SLC3A1: variants seen among roughly 807,000 people sequenced by gnomAD.
SLC3A1 encodes amino acid transporter heavy chain SLC3A1.
A neutral mutation model predicts 60.3 loss-of-function variants in SLC3A1; 78 were observed. The ratio of observed to expected loss-of-function variants is 1.29; its 90% CI spans 1.08 to 1.56. SLC3A1 has a LOEUF of 1.56. Among genes scored for constraint, SLC3A1 ranks in the 40% most tolerant of loss-of-function variants. The pLI, the probability that SLC3A1 is intolerant of heterozygous loss-of-function variation, is 0.00. For missense variants in SLC3A1, 1,172 were observed against 858.9 expected, an observed-to-expected ratio of 1.36 and a Z score of -4.56; for synonymous variants, 392 against 307.9, an observed-to-expected ratio of 1.27 and a Z score of -2.86.
At chr2:44,304,509 G>C (rs1369228924) in intron 7 of SLC3A1, among the ~76,000 whole-genome samples, 171 bp downstream of exon 7, 1 of 152,198 alleles carries the variant, frequency 6.6e-6, no homozygotes, top group Non-Finnish European at 1.5e-5. Context: ...TTTCATTAAG[G>C]GAGGGAGACT....
chr2:44,281,284 A>C (rs1671493386), intron 2 of SLC3A1, 103 bp from the exon 3 acceptor site: 2 of 999,914 alleles, frequency 2.0e-6, no homozygotes, highest in Admixed American at 1.9e-5. Context: ...TTAGCCTCCC[A>C]GTGTATTGGG....
intron 7 of SLC3A1, among the ~76,000 whole-genome samples, chr2:44,310,613 A>T (rs1018878026): frequency 2.0e-5 from 3 of 152,096 alleles, no homozygotes; most frequent in Non-Finnish European, 2.9e-5. Flanking sequence ...GGTTTTTAAA[A>T]ATTTTGTCCT....
intron 3 of SLC3A1, among the ~76,000 whole-genome samples, chr2:44,283,307 C>A (rs1293775948): frequency 6.6e-6 from 1 of 152,246 alleles, no homozygotes; most frequent in Non-Finnish European, 1.5e-5. Context: ...GAGGAACAGG[C>A]TGTCAGCAAG....
chr2:44,300,418 A>G (rs963169208), intron 5 of SLC3A1, among the ~76,000 whole-genome samples: 5 of 152,214 alleles, frequency 3.3e-5, no homozygotes, highest in African/African-American at 4.8e-5. Context: ...CATAGGCTCA[A>G]GTGAGGAGGC....
chr2:44,290,794 T>C lies in SLC3A1; in HGVS notation c.891+4637T>C, dbSNP rs569051225. 2.0e-5 allele frequency among the ~76,000 whole-genome samples: 3 copies of C among 151,316 alleles called. No individual in the cohort carries two copies. The South Asian group carries it at 6.3e-4, about 32-fold the overall frequency. On this transcript the variant is annotated intron_variant, in intron 4 of 9. Transcript: ENST00000260649. ...GTGAGGGCACCTTGCCTCCATGGGGTTGTGGGGTTGTGGGGTTGTGGGGTG... is the reference window on the plus strand; with the variant it reads ...GTGAGGGCACCTTGCCTCCATGGGGCTGTGGGGTTGTGGGGTTGTGGGGTG...
intron 1 of SLC3A1, among the ~76,000 whole-genome samples, chr2:44,278,190 A>T (rs559781189): frequency 4.6e-5 from 7 of 152,044 alleles, no homozygotes; most frequent in African/African-American, 1.7e-4. Flanking sequence ...CACGCCTGTA[A>T]TCCCAGCACT....
chr2:44,304,358 G>GAGT lies in SLC3A1; in HGVS notation c.1332+22_1332+24dup, dbSNP rs1672098531. ...TGGATGGTAAGTCCTCATGACAGCA[G>GAGT]AGTACATAATGTGCTGCTGTTGCCT... On this transcript the variant is annotated intron_variant, in intron 7 of 9. Transcript: ENST00000260649. The GAGT allele has an allele frequency of 6.3e-7, 1 of 1,576,510 alleles. No individual in the cohort carries two copies. The highest frequency in any genetic ancestry group is 1.3e-5 in the African/African-American group (1 of 74,308).
In SLC3A1 at chr2:44,321,251, T is replaced by C. The variant is rs531004244; in HGVS notation, c.*612T>C. On this transcript the variant is annotated 3_prime_UTR_variant, in exon 10 of 10. Coordinates refer to ENST00000260649, the MANE Select transcript of SLC3A1 (RefSeq NM_000341.4). ...GGAGAAGCACATTTTAAAAAATTAATAACTTAAAAGTCTCAAGTTATTAAT... is the reference window on the plus strand; with the variant it reads ...GGAGAAGCACATTTTAAAAAATTAACAACTTAAAAGTCTCAAGTTATTAAT... The C allele has an allele frequency of 1.0e-6, 1 of 1,002,348 alleles. No homozygotes were observed. Among genetic ancestry groups the C allele is most frequent in the African/African-American group, 1.6e-5 (1 of 60,678 alleles). 62.1% of individuals were successfully genotyped at this position (1,002,348 alleles called of 1,614,324 possible). A position where few individuals can be genotyped will look rare whatever the true frequency, so the allele number is the denominator to read the frequency against.
intron 4 of SLC3A1, among the ~76,000 whole-genome samples, chr2:44,287,895 C>A (rs572092349): frequency 2.6e-5 from 4 of 152,132 alleles, no homozygotes; most frequent in South Asian, 2.1e-4. Context: ...CACCTAGAAC[C>A]CTTGGTTTAG....
chr2:44,299,696 C>T (rs1208545011), intron 4 of SLC3A1, among the ~76,000 whole-genome samples: 2 of 152,158 alleles, frequency 1.3e-5, no homozygotes, highest in Non-Finnish European at 2.9e-5. Context: ...ACTCTCTAAA[C>T]TTTGAAAACA....
chr2:44,286,063 T>C lies in SLC3A1; in HGVS notation c.797T>C (p.Phe266Ser), dbSNP rs141587158. The C allele has an allele frequency of 3.3e-3, 5,314 of 1,614,084 alleles. 13 individuals are homozygous for C. The highest frequency in any genetic ancestry group is 5.4e-3 in the Middle Eastern group (33 of 6,062). The stretch of plus-strand genomic sequence containing the variant: ...GTGTATGGAAACTCCAGTTGGCACT[T>C]TGACGAAGTGCGAAACCAATGTTAT... ...LSVYGNSSWH[F>S]DEVRNQCYFH... Residue 266 changes from phenylalanine (F) to serine (S), a missense_variant, in exon 4 of 10, where the codon TTT becomes TCT. By Grantham distance (155) the Phe-to-Ser change is radical. Coordinates refer to ENST00000260649, the MANE Select transcript of SLC3A1 (RefSeq NM_000341.4).
At chr2:44,321,674 A>C (rs1342559880), downstream of SLC3A1, 1 of 1,544,052 alleles carries the variant, frequency 6.5e-7, no homozygotes, top group East Asian at 2.4e-5. Flanking sequence ...CTCTTGATTG[A>C]CACAGTGTCC....
At chr2:44,301,738 CAAAAA>C (rs10657360) in intron 6 of SLC3A1, among the ~76,000 whole-genome samples, 1 of 93,474 alleles carries the variant, frequency 1.1e-5, no homozygotes, top group African/African-American at 4.3e-5. Context: ...GACTCCATCA[CAAAAA>C]AAAAAAAAAA....
rs758539256 is a variant in SLC3A1, at chr2:44,280,781, T to C, written c.496T>C (p.Tyr166His). 6.2e-7 allele frequency: 1 copy of C among 1,612,562 alleles called. No individual in the cohort carries two copies. The highest frequency in any genetic ancestry group is 1.3e-5 in the African/African-American group (1 of 75,016). ...AAAAACTGTTTGGATTACTTCATTTTATAAATCGTCCCTTAAAGATTTCAG... is the reference window on the plus strand; with the variant it reads ...AAAAACTGTTTGGATTACTTCATTTCATAAATCGTCCCTTAAAGATTTCAG... ...NIKTVWITSF[Y>H]KSSLKDFRYG... The change falls in exon 2 of 10, where the codon TAT becomes CAT. Residue 166 changes from tyrosine to histidine, a missense_variant. Physicochemically the swap from Tyr to His is moderately conservative, Grantham distance 83. Transcript: ENST00000260649.
chr2:44,297,260 G>A (rs1480229805), intron 4 of SLC3A1, among the ~76,000 whole-genome samples: 1 of 152,210 alleles, frequency 6.6e-6, no homozygotes, highest in African/African-American at 2.4e-5. Context: ...CAGAGCTTGT[G>A]AGCAGGTGCC....
chr2:44,291,088 T>G (rs893872387), intron 4 of SLC3A1, among the ~76,000 whole-genome samples: 3 of 152,216 alleles, frequency 2.0e-5, no homozygotes, highest in African/African-American at 7.2e-5. Context: ...GGAGCAGGAC[T>G]GAAATCCAGA....
chr2:44,279,173 A>AT, intron 1 of SLC3A1, among the ~76,000 whole-genome samples: 1 of 151,698 alleles, frequency 6.6e-6, no homozygotes, highest in Admixed American at 6.6e-5. Flanking sequence ...TAATTTTTGT[A>AT]TTTTTTAGTA....
In SLC3A1 at chr2:44,313,969, T is replaced by G; in HGVS notation, c.1617+18T>G. On this transcript the variant is annotated intron_variant, in intron 9 of 9. Transcript: ENST00000260649. ...ATGTTGATGTAAGTATCAGTGAAAA[T>G]TTTATGTTGATTCTAGAAACAAAGA... 6.2e-7 allele frequency: 1 copy of G among 1,613,912 alleles called. No individual in the cohort carries two copies. The highest frequency in any genetic ancestry group is 8.5e-7 in the Non-Finnish European group (1 of 1,179,920).
chr2:44,281,588 G>A (rs1181614640), intron 3 of SLC3A1, 47 bp downstream of exon 3: 1 of 1,572,540 alleles, frequency 6.4e-7, no homozygotes, highest in African/African-American at 1.3e-5. Context: ...AGGCAGATAT[G>A]TAGTGATTGA....
Sources: gnomAD v4.1 joint callset for allele counts (sites outside exome capture counted in the v4.1 genomes callset) on GRCh38, gnomAD v4.1.1 for gene constraint, MANE v1.5 for transcripts, NCBI Gene and HGNC (gene_info 2026-07-23, HGNC 2026-07-21) for gene names.